The following ARHGAP24 variants were observed in gnomAD, a reference collection of about 807,000 sequenced individuals.
ARHGAP24 encodes the protein Rho GTPase activating protein 24, also known as rho GTPase-activating protein 24.
Under a neutral mutation model 76.4 loss-of-function variants are expected in ARHGAP24, and 50 were observed. The ratio of observed to expected loss-of-function variants is 0.65; its 90% CI spans 0.52 to 0.83. The LOEUF (loss-of-function observed/expected upper bound fraction) is 0.83. Among genes scored for constraint, ARHGAP24 ranks in the 40% least tolerant of loss-of-function variants. The pLI, the probability that ARHGAP24 is intolerant of heterozygous loss-of-function variation, is 0.00. For missense variants in ARHGAP24, 930 were observed against 914.2 expected, an observed-to-expected ratio of 1.02 and a Z score of -0.22; for synonymous variants, 345 against 323.3, an observed-to-expected ratio of 1.07 and a Z score of -0.72.
Position 85,994,776 on chromosome 4 carries a change from C to T in ARHGAP24, c.1122C>T (p.Cys374=). The change falls in exon 9 of 10, where the codon TGC becomes TGT. Residue 374 remains cysteine, a synonymous_variant. Transcript: ENST00000395184. The part of the protein sequence containing the change: ...NNTKDSPSRQ[C]SWDKSESPQR... ...CCAAGGACAGCCCTAGTAGGCAGTG[C>T]TCCTGGGACAAGTCTGAGTCACCCC... is the stretch of plus-strand genomic sequence containing the variant. The T allele has an allele frequency of 6.2e-7, 1 of 1,614,134 alleles. No homozygotes were observed. The highest frequency in any genetic ancestry group is 2.2e-5 in the East Asian group (1 of 44,858).
At chr4:85,979,517 C>G (rs1421023063) in intron 8 of ARHGAP24, among the ~76,000 whole-genome samples, 1 of 152,108 alleles carries the variant, frequency 6.6e-6, no homozygotes, top group African/African-American at 2.4e-5. Context: ...TGGCAACTAC[C>G]CTTCTGCTTT....
intron 2 of ARHGAP24, among the ~76,000 whole-genome samples, chr4:85,707,942 G>A (rs1724381052): frequency 6.6e-6 from 1 of 151,944 alleles, no homozygotes; most frequent in South Asian, 2.1e-4. Context: ...CTTTTTTTCC[G>A]ATCTCCACCT....
intron 1 of ARHGAP24, among the ~76,000 whole-genome samples, chr4:85,520,709 G>T (rs1390890013): frequency 6.6e-6 from 1 of 152,140 alleles, no homozygotes; most frequent in Non-Finnish European, 1.5e-5. Context: ...TGATTCAAAG[G>T]ATATGCACTT....
chr4:85,536,822 A>G (rs1162881875), intron 1 of ARHGAP24, among the ~76,000 whole-genome samples: 1 of 152,182 alleles, frequency 6.6e-6, no homozygotes, highest in African/African-American at 2.4e-5. Context: ...GATTTGAAGA[A>G]TGGTACCTTT....
intron 8 of ARHGAP24, among the ~76,000 whole-genome samples, chr4:85,980,081 A>G (rs2148858852): frequency 6.6e-6 from 1 of 152,288 alleles, no homozygotes; most frequent in South Asian, 2.1e-4. Flanking sequence ...CAAACCTGGA[A>G]TCAGTCAATT....
At chr4:85,868,171 T>A (rs1732315105) in intron 3 of ARHGAP24, among the ~76,000 whole-genome samples, 1 of 152,000 alleles carries the variant, frequency 6.6e-6, no homozygotes, top group South Asian at 2.1e-4. Context: ...AGATCATACG[T>A]GGATTCATAG....
chr4:85,593,441 T>G (rs1960869), intron 2 of ARHGAP24, among the ~76,000 whole-genome samples: 139,813 of 152,170 alleles, frequency 0.92, 64,279 homozygotes, highest in East Asian at 0.98. Flanking sequence ...CCTTTGCTGT[T>G]CAGAAGCCTT....
At chr4:85,860,491 G>A (rs910698836) in intron 3 of ARHGAP24, among the ~76,000 whole-genome samples, 3 of 152,056 alleles carry the variant, frequency 2.0e-5, no homozygotes, top group African/African-American at 2.4e-5. Flanking sequence ...TGGTAGTCTG[G>A]AAGAACAAGA....
chr4:85,761,967 C>T (rs1726751254), intron 3 of ARHGAP24, among the ~76,000 whole-genome samples: 1 of 152,142 alleles, frequency 6.6e-6, no homozygotes, highest in Non-Finnish European at 1.5e-5. Flanking sequence ...TTTGTTTCTT[C>T]CCCAAAGTTC....
At chr4:85,787,058 C>A (rs551979654) in intron 3 of ARHGAP24, among the ~76,000 whole-genome samples, 4 of 152,322 alleles carry the variant, frequency 2.6e-5, no homozygotes, top group African/African-American at 9.6e-5. Context: ...GTTTCACCCA[C>A]AAATCCCAAA....
intron 2 of ARHGAP24, among the ~76,000 whole-genome samples, chr4:85,675,807 T>C (rs1186648512): frequency 6.6e-6 from 1 of 152,210 alleles, no homozygotes; most frequent in African/African-American, 2.4e-5. Flanking sequence ...AACATTCCTC[T>C]GATGTTTATG....
chr4:85,996,666 G>C (rs946000636), intron 9 of ARHGAP24, among the ~76,000 whole-genome samples: 2 of 152,004 alleles, frequency 1.3e-5, no homozygotes, highest in Non-Finnish European at 2.9e-5. Context: ...TATTTTTTTG[G>C]TAAGTTTCAC....
intron 1 of ARHGAP24, among the ~76,000 whole-genome samples, chr4:85,482,037 G>T (rs1314431178): frequency 6.6e-6 from 1 of 152,146 alleles, no homozygotes; most frequent in Non-Finnish European, 1.5e-5. Flanking sequence ...AGTCATCTTT[G>T]ATTGTTTCAT....
At chr4:85,984,291 A>C (rs59477200) in intron 8 of ARHGAP24, among the ~76,000 whole-genome samples, 6,950 of 152,200 alleles carry the variant, frequency 0.046, 547 homozygotes, top group African/African-American at 0.16. Flanking sequence ...AACACCATAG[A>C]CTGGGTAGCT....
chr4:85,974,222 T>C (rs1422055204), intron 6 of ARHGAP24, among the ~76,000 whole-genome samples: 1 of 152,098 alleles, frequency 6.6e-6, no homozygotes, highest in Non-Finnish European at 1.5e-5. Context: ...CTGTGGCTGC[T>C]TTTGCACTAC....
At chr4:85,765,702 G>C (rs2110075789) in intron 3 of ARHGAP24, among the ~76,000 whole-genome samples, 1 of 152,166 alleles carries the variant, frequency 6.6e-6, no homozygotes, top group Non-Finnish European at 1.5e-5. Context: ...AGTAAGAATG[G>C]ATATGAGTGT....
chr4:85,559,289 G>A (rs1335325221), intron 1 of ARHGAP24, among the ~76,000 whole-genome samples: 2 of 152,112 alleles, frequency 1.3e-5, no homozygotes, highest in African/African-American at 4.8e-5. Flanking sequence ...CATTTTAATT[G>A]ACAAATAAAC....
intron 2 of ARHGAP24, among the ~76,000 whole-genome samples, chr4:85,713,211 A>G (rs1724594919): frequency 6.6e-6 from 1 of 152,086 alleles, no homozygotes; most frequent in Non-Finnish European, 1.5e-5. Flanking sequence ...GGAAGCTAAG[A>G]TTTGAGGTGG....
At chr4:85,984,900 C>A (rs981668337) in intron 8 of ARHGAP24, among the ~76,000 whole-genome samples, 1 of 152,140 alleles carries the variant, frequency 6.6e-6, no homozygotes, top group Non-Finnish European at 1.5e-5. Flanking sequence ...TCGGACACAG[C>A]AACCTCCACC....
Sources: gnomAD v4.1 joint callset for allele counts (sites outside exome capture counted in the v4.1 genomes callset) on GRCh38, gnomAD v4.1.1 for gene constraint, MANE v1.5 for transcripts, NCBI Gene and HGNC (gene_info 2026-07-23, HGNC 2026-07-21) for gene names.